Variants in SLC44A5 observed in about 807,000 individuals in gnomAD.
The protein encoded by SLC44A5 is solute carrier family 44 member 5.
A neutral mutation model predicts 101.8 loss-of-function variants in SLC44A5; 57 were observed. The observed-to-expected ratio is 0.56, with a 90% CI of 0.45 to 0.70. The LOEUF is 0.70. Among genes scored for constraint, SLC44A5 ranks in the 30% least tolerant of loss-of-function variants. The probability of loss-of-function intolerance (pLI) is 0.00; values close to 1 mark genes in which losing one functional copy is unlikely to be tolerated. For synonymous variants in SLC44A5, 281 were observed against 290.9 expected, an observed-to-expected ratio of 0.97 and a Z score of 0.35; for missense variants, 737 against 853.1, an observed-to-expected ratio of 0.86 and a Z score of 1.70.
At chr1:75,598,825 ACT>A (rs1235353758) in intron 1 of SLC44A5, among the ~76,000 whole-genome samples, 1 of 152,210 alleles carries the variant, frequency 6.6e-6, no homozygotes, top group Non-Finnish European at 1.5e-5. Flanking sequence ...ACTAGTGGGT[ACT>A]AGGCTTAACA....
chr1:75,677,177 T>C, the SLC44A5 span, among the ~76,000 whole-genome samples: 1 of 152,048 alleles, frequency 6.6e-6, no homozygotes, highest in African/African-American at 2.4e-5. Context: ...AACTCACTGG[T>C]AACAGTAAAT....
intron 16 of SLC44A5, 91 bp downstream of exon 16, chr1:75,219,166 T>C (rs1647024277): frequency 7.6e-6 from 7 of 921,490 alleles, no homozygotes; most frequent in Non-Finnish European, 1.2e-5. Flanking sequence ...ATAGGATCTC[T>C]GCTTCGGGAC....
At chr1:75,237,095 C>A in intron 10 of SLC44A5, 25 bp from the exon 11 acceptor site, 1 of 1,449,872 alleles carries the variant, frequency 6.9e-7, no homozygotes, top group South Asian at 1.2e-5. Context: ...GGGAAAAAAT[C>A]AATTATTTTT....
At chr1:75,375,923 T>C (rs938874707) in intron 3 of SLC44A5, among the ~76,000 whole-genome samples, 26 of 152,088 alleles carry the variant, frequency 1.7e-4, no homozygotes, top group Admixed American at 3.3e-4. Context: ...CCATCTGAGG[T>C]ACCGGGTTCA....
At chr1:75,295,714 G>C (rs889526886) in intron 5 of SLC44A5, among the ~76,000 whole-genome samples, 1 of 152,190 alleles carries the variant, frequency 6.6e-6, no homozygotes, top group Non-Finnish European at 1.5e-5. Context: ...CACTACAGTA[G>C]TGGGAAGATT....
intron 4 of SLC44A5, among the ~76,000 whole-genome samples, chr1:75,326,544 T>C (rs1656614722): frequency 6.6e-6 from 1 of 152,170 alleles, no homozygotes; most frequent in Non-Finnish European, 1.5e-5. Context: ...CATGGTCTAC[T>C]AACCTGGAGT....
At chr1:75,683,358 A>C in the SLC44A5 span, among the ~76,000 whole-genome samples, 795 of 152,268 alleles carry the variant, frequency 5.2e-3, 8 homozygotes, top group African/African-American at 0.018. Context: ...AACTAACCCA[A>C]ATGTCCAACA....
At chr1:75,292,318 A>T (rs1653623828) in intron 5 of SLC44A5, among the ~76,000 whole-genome samples, 1 of 152,160 alleles carries the variant, frequency 6.6e-6, no homozygotes, top group Non-Finnish European at 1.5e-5. Context: ...CATGGTTCCT[A>T]AAAATCGATA....
chr1:75,582,341 C>A, intron 1 of SLC44A5: 1 of 1,256,512 alleles, frequency 8.0e-7, no homozygotes, highest in Non-Finnish European at 1.1e-6. Flanking sequence ...GGAAGTTAAG[C>A]CCAAGATCCC....
chr1:75,717,656 G>A, the SLC44A5 span, among the ~76,000 whole-genome samples: 1 of 152,138 alleles, frequency 6.6e-6, no homozygotes, highest in Non-Finnish European at 1.5e-5. Flanking sequence ...GTATATTGAT[G>A]GGGGTGAAAC....
At chr1:75,582,110 G>A (rs1035885505) in intron 1 of SLC44A5, 8 of 732,886 alleles carry the variant, frequency 1.1e-5, no homozygotes, top group Non-Finnish European at 2.0e-5. Flanking sequence ...CCAAGTCCAA[G>A]AACCACACCA....
intron 2 of SLC44A5, among the ~76,000 whole-genome samples, chr1:75,464,221 C>CAAA (rs57630961): frequency 2.2e-3 from 116 of 51,642 alleles, no homozygotes; most frequent in Middle Eastern, 0.013. Context: ...GACTCTGTCT[C>CAAA]AAAAAAAAAA....
the SLC44A5 span, among the ~76,000 whole-genome samples, chr1:75,618,011 G>C: frequency 3.3e-5 from 5 of 152,208 alleles, no homozygotes; most frequent in African/African-American, 4.8e-5. Context: ...AATGGGATTC[G>C]TGGAGGTATG....
At chr1:75,690,430 G>A in the SLC44A5 span, among the ~76,000 whole-genome samples, 2 of 152,132 alleles carry the variant, frequency 1.3e-5, no homozygotes, top group Non-Finnish European at 2.9e-5. Flanking sequence ...CTTGGGTGGG[G>A]ACCCAGAGCC....
chr1:75,679,896 C>G, the SLC44A5 span, among the ~76,000 whole-genome samples: 7 of 151,848 alleles, frequency 4.6e-5, no homozygotes, highest in Non-Finnish European at 7.4e-5. Context: ...CATATAGGCT[C>G]AAAATAAAAG....
intron 5 of SLC44A5, among the ~76,000 whole-genome samples, chr1:75,284,462 C>T (rs1286892589): frequency 6.6e-6 from 1 of 152,058 alleles, no homozygotes; most frequent in East Asian, 1.9e-4. Context: ...TGAACAATGA[C>T]AGTTTGACTT....
the SLC44A5 span, among the ~76,000 whole-genome samples, chr1:75,648,834 T>C: frequency 6.6e-6 from 1 of 151,860 alleles, no homozygotes; most frequent in African/African-American, 2.4e-5. Context: ...AACAAATAAA[T>C]AAATACCACT....
Position 75,537,033 on chromosome 1 carries a change from A to AATAT in SLC44A5, c.13+4398_13+4401dup, listed in dbSNP as rs61399659. 1.4e-4 allele frequency among the ~76,000 whole-genome samples: 6 copies of AATAT among 43,046 alleles called. 1 individual carries two copies. Among genetic ancestry groups the AATAT allele is most frequent in the African/African-American group, 3.3e-4 (6 of 18,460 alleles). 28.2% of individuals were successfully genotyped at this position (43,046 alleles called of 152,430 possible). Reference sequence around the variant, plus strand: ...AAAAAAAAAAAAAAAAAAAAAAAAAAATATATATCTATGCCAAATGATTCT... The same window carrying AATAT: ...AAAAAAAAAAAAAAAAAAAAAAAAAAATATATATATATCTATGCCAAATGATTCT... On this transcript the variant is annotated intron_variant, in intron 2 of 23. Transcript: ENST00000370859.
At chr1:75,399,570 T>G (rs910175459) in intron 2 of SLC44A5, among the ~76,000 whole-genome samples, 12 of 152,066 alleles carry the variant, frequency 7.9e-5, no homozygotes, top group Non-Finnish European at 1.6e-4. Context: ...AAATACAGTG[T>G]TGGGGGACAA....
Sources: allele counts gnomAD v4.1 joint callset (sites outside exome capture counted in the v4.1 genomes callset), GRCh38; gene constraint gnomAD v4.1.1; transcripts MANE v1.5; gene names NCBI Gene and HGNC (gene_info 2026-07-23, HGNC 2026-07-21).